The following PABPC1 variants were observed in gnomAD, a reference collection of about 807,000 sequenced individuals.
PABPC1 encodes the protein polyadenylate-binding protein 1.
Under a neutral mutation model 74.0 loss-of-function variants are expected in PABPC1, and 4 were observed. The observed-to-expected ratio is 0.05, with a 90% CI of 0.03 to 0.12. The LOEUF (loss-of-function observed/expected upper bound fraction) is 0.12, where lower values mean the gene tolerates loss of function less well. Ranked by LOEUF, PABPC1 falls within the 10% of genes least tolerant of loss-of-function variation. The pLI, the probability that PABPC1 is intolerant of heterozygous loss-of-function variation, is 1.00. For missense variants in PABPC1, 271 were observed against 821.1 expected (o/e 0.33, Z 8.19); for synonymous variants, 227 against 264.1 (o/e 0.86, Z 1.36).
intron 9 of PABPC1, among the ~76,000 whole-genome samples, chr8:100,707,864 G>A (rs867029205): frequency 5.9e-5 from 9 of 152,216 alleles, no homozygotes; most frequent in Admixed American, 3.9e-4. Flanking sequence ...GGCAACGGGC[G>A]TCTTCCCAGA....
At chr8:100,711,074 T>TG (rs1321488692) in intron 7 of PABPC1, among the ~76,000 whole-genome samples, 1 of 152,294 alleles carries the variant, frequency 6.6e-6, no homozygotes, top group African/African-American at 2.4e-5. Context: ...GGTCAGGAGT[T>TG]GGAAGACCAG....
At chr8:100,707,365 C>G (rs200620522) in intron 9 of PABPC1, among the ~76,000 whole-genome samples, 2 of 151,570 alleles carry the variant, frequency 1.3e-5, no homozygotes, top group East Asian at 3.9e-4. Context: ...CCCTGAATGT[C>G]TGGCTGCACT....
At chr8:100,712,849 T>C (rs1346488969) in intron 5 of PABPC1, 60 bp from the exon 6 acceptor site, 1 of 1,496,628 alleles carries the variant, frequency 6.7e-7, no homozygotes, top group Non-Finnish European at 8.9e-7. Flanking sequence ...ACAGTTCATT[T>C]CCTTAACAGT....
intron 13 of PABPC1, 89 bp from the exon 14 acceptor site, chr8:100,704,479 A>G (rs1351878687): frequency 1.9e-5 from 21 of 1,091,464 alleles, no homozygotes; most frequent in East Asian, 1.4e-4. Context: ...CCCAACAAAG[A>G]TAAGTTTCTT....
intron 9 of PABPC1, chr8:100,707,288 G>T: frequency 3.8e-6 from 1 of 260,064 alleles, no homozygotes; most frequent in South Asian, 3.9e-5. Context: ...GAGACACAGA[G>T]ATTTAAAAAA....
At chr8:100,710,091 T>C (rs576915669) in intron 7 of PABPC1, among the ~76,000 whole-genome samples, 74 of 152,334 alleles carry the variant, frequency 4.9e-4, no homozygotes, top group Admixed American at 3.5e-3. Flanking sequence ...TGGAAGCATT[T>C]CCCAATTAAA....
chr8:100,713,322 GT>G (rs897356520), intron 4 of PABPC1, 141 bp from the exon 5 acceptor site: 2 of 507,144 alleles, frequency 3.9e-6, no homozygotes, highest in African/African-American at 4.0e-5. Flanking sequence ...TATGCCCCAG[GT>G]AGGTATACTT....
intron 4 of PABPC1, among the ~76,000 whole-genome samples, chr8:100,714,773 A>C (rs1229901867): frequency 6.6e-6 from 1 of 152,206 alleles, no homozygotes; most frequent in Non-Finnish European, 1.5e-5. Flanking sequence ...ACATATTAAA[A>C]AAAGCAAGAC....
At position 100,706,786 on chromosome 8, in the gene PABPC1, T is replaced by G. The variant is rs777169858; in HGVS notation, c.1467A>C (p.Thr489=). 1.5e-5 allele frequency: 25 copies of G among 1,614,172 alleles called. No homozygotes were observed. In the South Asian group the frequency reaches 2.6e-4, roughly 17 times the overall value. ...CTGCAGCTGCAGGACGTGGACCCATTGTCTGTGTTGATGTGTTAGCTAAAA... is the reference window on the plus strand; with the variant it reads ...CTGCAGCTGCAGGACGTGGACCCATGGTCTGTGTTGATGTGTTAGCTAAAA... ...TQRVANTSTQ[T]MGPRPAAAAA... Residue 489 remains threonine, a synonymous_variant, in exon 11 of 15, where the codon ACA becomes ACC. Transcript: ENST00000318607.
intron 14 of PABPC1, chr8:100,704,062 A>AAAAC (rs1174587237): frequency 2.5e-6 from 1 of 394,024 alleles, no homozygotes; most frequent in African/African-American, 2.2e-5. Flanking sequence ...CTCAAAAAAA[A>AAAAC]AAAAAAAAAA....
In PABPC1 at chr8:100,706,731, C is replaced by T. The variant is rs750623722; in HGVS notation, c.1522G>A (p.Val508Ile). ...CCTGCAGCATATTTATACTGTGGAA[C>T]GGTGCGGACAGCAGGAGTAGCTGCA... ...AAAATPAVRT[V>I]PQYKYAAGVR... is the part of the protein sequence containing the mutation. Residue 508 changes from valine (V) to isoleucine (I), a missense_variant, in exon 11 of 15, where the codon GTT becomes ATT. By Grantham distance (29) the Val-to-Ile change is conservative. Coordinates refer to ENST00000318607, the MANE Select transcript of PABPC1 (RefSeq NM_002568.4). The T allele has an allele frequency of 1.5e-5, 24 of 1,614,004 alleles. No individual in the cohort carries two copies. Among genetic ancestry groups the T allele is most frequent in the East Asian group, 6.7e-5 (3 of 44,902 alleles).
chr8:100,721,715 G>A lies in PABPC1; in HGVS notation c.-132C>T. The A allele has an allele frequency of 1.3e-6, 1 of 777,932 alleles. No individual in the cohort carries two copies. The highest frequency in any genetic ancestry group is 1.9e-6 in the Non-Finnish European group (1 of 526,834). The allele number at this position is 777,932 out of a possible 1,614,324, so 48.2% of individuals were successfully genotyped here. A position where few individuals can be genotyped will look rare whatever the true frequency, so the allele number is the denominator to read the frequency against. ...AGCGCAGAGGGACAAAAATCAACCG[G>A]AATTGAAAACTACTCAACGGCCGCA... On this transcript the variant is annotated 5_prime_UTR_variant, in exon 1 of 15. Transcript: ENST00000318607. The surrounding 1 kb of genome is among the most constrained non-coding windows in gnomAD (Gnocchi z 7.4).
rs557977114 is a variant in PABPC1 at position 100,706,659 on chromosome 8, T to C, written c.1594A>G (p.Met532Val). Residue 532 changes from methionine (M) to valine (V), a missense_variant, in exon 11 of 15, where the codon ATG becomes GTG. Met to Val is a conservative substitution (Grantham distance 21). Around this residue, in one of 7 missense-constraint regions of PABPC1, gnomAD observed 103 missense variants for 245.3 expected, o/e 0.42. Transcript: ENST00000318607. ...QHLNAQPQVT[M>V]QQPAVHVQGQ... ...AATCATTAAATCCATACCTGTTGCA[T>C]TGTAACTTGTGGCTGTGCATTAAGA... 68 of 1,613,138 alleles carry C rather than the reference T, an allele frequency of 4.2e-5. No individual in the cohort carries two copies. The highest frequency in any genetic ancestry group is 5.6e-5 in the Non-Finnish European group (66 of 1,179,448).
rs61142458 is a variant in PABPC1, at chr8:100,709,919, C to G, written c.973-188G>C. ...ACCCAATTATTAAGGGCAAACTACA[C>G]ATATGCATTACCCTAGCCAGGTCAG... On this transcript the variant is annotated intron_variant, in intron 7 of 14. Coordinates refer to ENST00000318607, the MANE Select transcript of PABPC1 (RefSeq NM_002568.4). 5,544 of 617,402 alleles carry G rather than the reference C, an allele frequency of 9.0e-3. 216 individuals are homozygous for G. Among genetic ancestry groups the G allele is most frequent in the African/African-American group, 0.087 (4,730 of 54,344 alleles). 38.2% of individuals were successfully genotyped at this position (617,402 alleles called of 1,614,324 possible). A position where few individuals can be genotyped will look rare whatever the true frequency, so the allele number is the denominator to read the frequency against.
intron 14 of PABPC1, 42 bp downstream of exon 14, chr8:100,704,255 A>G: frequency 7.0e-7 from 1 of 1,437,404 alleles, no homozygotes; most frequent in Non-Finnish European, 9.8e-7. Flanking sequence ...TAAAAGATGA[A>G]GAAAACAAGC....
chr8:100,717,220 C>G (rs1587166084), intron 3 of PABPC1, among the ~76,000 whole-genome samples: 1 of 152,146 alleles, frequency 6.6e-6, no homozygotes, highest in Admixed American at 6.6e-5. Context: ...GTTGGTCAGG[C>G]TGGTCTCAAA....
intron 7 of PABPC1, among the ~76,000 whole-genome samples, chr8:100,710,523 T>C (rs1055553559): frequency 1.3e-5 from 2 of 152,018 alleles, no homozygotes; most frequent in African/African-American, 2.4e-5. Context: ...CTGGGACAAA[T>C]GAAAAAATGT....
rs764582205 is a variant in PABPC1 at position 100,721,488 on chromosome 8, G to A, written c.96C>T (p.Ser32=). ...GGATGGAGAGGATGGGCCCGGCCGG[G>A]CTGAACTTCTCGTAGAGCATCGCCT... ...VTEAMLYEKF[S]PAGPILSIRV... Residue 32 remains serine (S), a synonymous_variant, in exon 1 of 15, where the codon AGC becomes AGT. Coordinates refer to ENST00000318607, the MANE Select transcript of PABPC1 (RefSeq NM_002568.4). The surrounding 1 kb of genome is among the most constrained non-coding windows in gnomAD (Gnocchi z 7.4). The A allele has an allele frequency of 1.9e-5, 30 of 1,612,036 alleles. No individual in the cohort carries two copies. Among genetic ancestry groups the A allele is most frequent in the Non-Finnish European group, 2.5e-5 (29 of 1,179,008 alleles).
intron 7 of PABPC1, among the ~76,000 whole-genome samples, chr8:100,710,524 G>A (rs1810500092): frequency 6.6e-6 from 1 of 152,050 alleles, no homozygotes; most frequent in Non-Finnish European, 1.5e-5. Context: ...TGGGACAAAT[G>A]AAAAAATGTA....
Sources: allele counts gnomAD v4.1 joint callset (sites outside exome capture counted in the v4.1 genomes callset), GRCh38; gene constraint gnomAD v4.1.1; regional missense constraint gnomAD v4.1.1; non-coding constraint Gnocchi (gnomAD v3.1); transcripts MANE v1.5; gene names NCBI Gene and HGNC (gene_info 2026-07-23, HGNC 2026-07-21).